ASB18: variants seen among roughly 807,000 people sequenced by gnomAD.
The protein encoded by ASB18 is ankyrin repeat and SOCS box protein 18.
ASB18 carries 33 observed loss-of-function variants against 33.4 expected under a neutral mutation model. The observed-to-expected ratio is 0.99, with a 90% CI of 0.75 to 1.32. The LOEUF (loss-of-function observed/expected upper bound fraction) is 1.32, where lower values mean the gene tolerates loss of function less well. ASB18 is among the 40% of genes most tolerant of loss of function. The pLI is 0.00. For synonymous variants in ASB18, 295 were observed against 307.6 expected (o/e 0.96, Z 0.43); for missense variants, 694 against 655.5 (o/e 1.06, Z -0.64).
rs541861527 is a variant in ASB18 at position 236,216,975 on chromosome 2, G to A, written c.597-2109C>T. 3.2e-4 allele frequency among the ~76,000 whole-genome samples: 48 copies of A among 152,200 alleles called. No individual in the cohort carries two copies. The highest frequency in any genetic ancestry group is 7.2e-4 in the Admixed American group (11 of 15,288). ...CTGCTTGCTCCTTCCAGGTTGCCCC[G>A]CTGCACGTGATGGCCCACACAGTCC... On this transcript the variant is annotated intron_variant, in intron 3 of 5. Coordinates refer to ENST00000409749, the MANE Select transcript of ASB18 (RefSeq NM_212556.4). This position sits in a 1 kb window ranked among gnomAD's most constrained non-coding sequence, Gnocchi z 6.1.
At chr2:236,199,164 C>T (rs1000219741) in intron 4 of ASB18, among the ~76,000 whole-genome samples, 1 of 152,128 alleles carries the variant, frequency 6.6e-6, no homozygotes, top group African/African-American at 2.4e-5. Flanking sequence ...GTAATCCCAG[C>T]CCTTTGAGAG....
At chr2:236,224,940 C>A (rs2060530528) in intron 3 of ASB18, among the ~76,000 whole-genome samples, 1 of 152,118 alleles carries the variant, frequency 6.6e-6, no homozygotes, top group Non-Finnish European at 1.5e-5. Context: ...AATAACCAAT[C>A]AGTCACTCAC....
chr2:236,252,369 T>C lies in ASB18; in HGVS notation c.206-10967A>G, dbSNP rs984827791. On this transcript the variant is annotated intron_variant, in intron 1 of 5. Transcript: ENST00000409749. The surrounding 1 kb of genome is among the most constrained non-coding windows in gnomAD (Gnocchi z 7.9). ...AGTGGGAGGGCAGACGTGGCCACCATCAACTAGCGGTGGAATCAGATCACT... is the reference window on the plus strand; with the variant it reads ...AGTGGGAGGGCAGACGTGGCCACCACCAACTAGCGGTGGAATCAGATCACT... 6.6e-6 allele frequency among the ~76,000 whole-genome samples: 1 copy of C among 151,290 alleles called. No homozygotes were observed. The highest frequency in any genetic ancestry group is 2.1e-4 in the South Asian group (1 of 4,792).
At position 236,221,019 on chromosome 2, in the gene ASB18, CTGGCACGGTAGA is replaced by C. The variant is rs2060508547; in HGVS notation, c.597-6165_597-6154del. 1.3e-5 allele frequency among the ~76,000 whole-genome samples: 2 copies of C among 152,160 alleles called. No individual in the cohort carries two copies. The highest frequency in any genetic ancestry group is 4.8e-5 in the African/African-American group (2 of 41,434). The stretch of plus-strand genomic sequence containing the variant: ...GTTCTCACCCAGTCCTCCTAGCTAC[CTGGCACGGTAGA>C]TGGCATCCTCCCTCCTTTTTGGTGA... On this transcript the variant is annotated intron_variant, in intron 3 of 5. Coordinates refer to ENST00000409749, the MANE Select transcript of ASB18 (RefSeq NM_212556.4). The surrounding 1 kb of genome is among the most constrained non-coding windows in gnomAD (Gnocchi z 5.6).
chr2:236,224,185 G>GTTTTTTTTTTTTTTTTTT, intron 3 of ASB18, among the ~76,000 whole-genome samples: 1 of 66,772 alleles, frequency 1.5e-5, no homozygotes, highest in Non-Finnish European at 2.5e-5. Context: ...GTGTTGTCAG[G>GTTTTTTTTTTTTTTTTTT]TTTTTTTTTT....
At chr2:236,258,277 A>G (rs773713351) in intron 1 of ASB18, among the ~76,000 whole-genome samples, 1 of 152,234 alleles carries the variant, frequency 6.6e-6, no homozygotes, top group Non-Finnish European at 1.5e-5. Context: ...AACACAAGCC[A>G]TTCGTCTTAG....
Position 236,214,505 on chromosome 2 carries a change from C to CTA in ASB18, c.957_958insTA (p.Gly320Ter). The CTA allele has an allele frequency of 6.7e-7, 1 of 1,489,330 alleles. No homozygotes were observed. Among genetic ancestry groups the CTA allele is most frequent in the Admixed American group, 2.3e-5 (1 of 44,136 alleles). 92.3% of individuals were successfully genotyped at this position (1,489,330 alleles called of 1,614,324 possible). The stretch of plus-strand genomic sequence containing the variant: ...GAGGCCCCGCCATAGTCGAGCGCGC[C>CTA]CGCGTCGGCGCCGTGCCGCAGTAGG... On this transcript the variant is annotated frameshift_variant, in exon 4 of 6. Transcript: ENST00000409749. LOFTEE classifies it high-confidence loss of function. The surrounding 1 kb of genome is among the most constrained non-coding windows in gnomAD (Gnocchi z 6.5).
Position 236,196,463 on chromosome 2 carries a change from G to A in ASB18, c.1102-78C>T. On this transcript the variant is annotated intron_variant, in intron 4 of 5. Coordinates refer to ENST00000409749, the MANE Select transcript of ASB18 (RefSeq NM_212556.4). This position sits in a 1 kb window ranked among gnomAD's most constrained non-coding sequence, Gnocchi z 5.6. ...AGTGGGGAAAGGGTGGGGGGTGTGG[G>A]GGGATGCTCTCCCTAGCTGTGTGAC... 2.6e-6 allele frequency: 2 copies of A among 760,544 alleles called. No homozygotes were observed. Among genetic ancestry groups the A allele is most frequent in the African/African-American group, 1.7e-5 (1 of 58,026 alleles). 47.1% of individuals were successfully genotyped at this position (760,544 alleles called of 1,614,324 possible). A position where few individuals can be genotyped will look rare whatever the true frequency, so the allele number is the denominator to read the frequency against.
rs940652780 is a variant in ASB18, at chr2:236,255,021, C to T, written c.205+9120G>A. Among the ~76,000 whole-genome samples the T allele has an allele frequency of 5.3e-5, 8 of 152,212 alleles. No individual in the cohort carries two copies. The highest frequency in any genetic ancestry group is 1.0e-4 in the Non-Finnish European group (7 of 68,040). ...GCTCCTGCCCTGTAAGCTGCCTGCT[C>T]CCCATTTGCGTTCCGCCGCGACTGA... On this transcript the variant is annotated intron_variant, in intron 1 of 5. Transcript: ENST00000409749. This position sits in a 1 kb window ranked among gnomAD's most constrained non-coding sequence, Gnocchi z 4.4.
rs35055104 is a variant in ASB18, at chr2:236,200,241, C to T, written c.1102-3856G>A. Among the ~76,000 whole-genome samples the T allele has an allele frequency of 0.17, 25,725 of 151,820 alleles. 2,170 individuals carry two copies. The highest frequency in any genetic ancestry group is 0.25 in the South Asian group (1,184 of 4,804). Reference sequence around the variant, plus strand: ...GTGCACATCTGTAGTCCCAGCTCCTCGGGAGGCAGAGGTAGGAGAATTGCT... The same window carrying T: ...GTGCACATCTGTAGTCCCAGCTCCTTGGGAGGCAGAGGTAGGAGAATTGCT... On this transcript the variant is annotated intron_variant, in intron 4 of 5. Transcript: ENST00000409749. The surrounding 1 kb of genome is among the most constrained non-coding windows in gnomAD (Gnocchi z 4.2).
At position 236,238,534 on chromosome 2, in the gene ASB18, G is replaced by A. The variant is rs1576407057; in HGVS notation, c.329-578C>T. Among the ~76,000 whole-genome samples, 4 of 152,262 alleles carry A rather than the reference G, an allele frequency of 2.6e-5. 1 individual carries two copies. The South Asian group carries it at 8.3e-4, about 32-fold the overall frequency. ...AAGTTTAGCTCTCTTGCAAGTGGCT[G>A]AGTTTTCAGAAGCACACTTTGATGT... On this transcript the variant is annotated intron_variant, in intron 2 of 5. Coordinates refer to ENST00000409749, the MANE Select transcript of ASB18 (RefSeq NM_212556.4). The surrounding 1 kb of genome is among the most constrained non-coding windows in gnomAD (Gnocchi z 5.2).
rs2060691259 is a variant in ASB18 at position 236,256,215 on chromosome 2, T to TA, written c.205+7925dup. On this transcript the variant is annotated intron_variant, in intron 1 of 5. Coordinates refer to ENST00000409749, the MANE Select transcript of ASB18 (RefSeq NM_212556.4). The surrounding 1 kb of genome is among the most constrained non-coding windows in gnomAD (Gnocchi z 4.7). ...CTAATTGGTGTATTTTTTGTAGAGA[T>TA]AGAGTCTTGCCATGTTGCTCAGGCT... is the stretch of plus-strand genomic sequence containing the variant. Among the ~76,000 whole-genome samples the TA allele has an allele frequency of 6.6e-6, 1 of 151,978 alleles. No homozygotes were observed. Among genetic ancestry groups the TA allele is most frequent in the African/African-American group, 2.4e-5 (1 of 41,372 alleles).
rs202138431 is a variant in ASB18 at position 236,229,838 on chromosome 2, TTAATAA to T, written c.596+7845_596+7850del. 2.6e-5 allele frequency among the ~76,000 whole-genome samples: 4 copies of T among 152,016 alleles called. No individual in the cohort carries two copies. The highest frequency in any genetic ancestry group is 1.9e-4 in the East Asian group (1 of 5,174). ...CCTGGGCAACAGAGTGAGACACCAT[TTAATAA>T]TAATAATAAAAAGAAACATAAAACT... is the stretch of plus-strand genomic sequence containing the variant. On this transcript the variant is annotated intron_variant, in intron 3 of 5. Coordinates refer to ENST00000409749, the MANE Select transcript of ASB18 (RefSeq NM_212556.4). The surrounding 1 kb of genome is among the most constrained non-coding windows in gnomAD (Gnocchi z 5.2).
intron 4 of ASB18, among the ~76,000 whole-genome samples, chr2:236,199,286 C>T (rs970623154): frequency 2.0e-5 from 3 of 151,662 alleles, no homozygotes; most frequent in East Asian, 1.9e-4. Flanking sequence ...ATGGTGCACG[C>T]GTGTAATCCC....
At position 236,195,091 on chromosome 2, in the gene ASB18, G is replaced by A. The variant is rs749367733; in HGVS notation, c.1216-34C>T. ...GAAGGCAGGTGGATTAGAAATCTGG[G>A]CACGTGGAACCAACATACGTTTTCT... On this transcript the variant is annotated intron_variant, in intron 5 of 5. Transcript: ENST00000409749. The surrounding 1 kb of genome is among the most constrained non-coding windows in gnomAD (Gnocchi z 5.5). 1.7e-5 allele frequency: 27 copies of A among 1,584,882 alleles called. No homozygotes were observed. The African/African-American group carries it at 3.0e-4, about 17-fold the overall frequency.
chr2:236,241,143 C>A lies in ASB18; in HGVS notation c.328+137G>T. 1 of 890,706 alleles carries A rather than the reference C, an allele frequency of 1.1e-6. No homozygotes were observed. The allele number at this position is 890,706 out of a possible 1,614,324, so 55.2% of individuals were successfully genotyped here. ...AAACCTACACTTTACTGCGAGCAAA[C>A]TTCATCAGATGTCCTTTTCTTGTGT... On this transcript the variant is annotated intron_variant, in intron 2 of 5. Coordinates refer to ENST00000409749, the MANE Select transcript of ASB18 (RefSeq NM_212556.4). This position sits in a 1 kb window ranked among gnomAD's most constrained non-coding sequence, Gnocchi z 4.2.
In ASB18 at chr2:236,264,130, G is replaced by A. The variant is rs200677309; in HGVS notation, c.205+11C>T. 80 of 1,612,678 alleles carry A rather than the reference G, an allele frequency of 5.0e-5. 2 individuals carry two copies. Among genetic ancestry groups the A allele is most frequent in the African/African-American group, 1.5e-4 (11 of 74,998 alleles). ...ATTAAATCCCAGATGCAGCAGGCTC[G>A]TTCTGGTTACCTAGCAGCATGCCGG... is the stretch of plus-strand genomic sequence containing the variant. On this transcript the variant is annotated intron_variant, in intron 1 of 5. Transcript: ENST00000409749. This position sits in a 1 kb window ranked among gnomAD's most constrained non-coding sequence, Gnocchi z 5.1.
rs141039946 is a variant in ASB18 at position 236,228,642 on chromosome 2, C to T, written c.596+9047G>A. Among the ~76,000 whole-genome samples the T allele has an allele frequency of 6.6e-4, 101 of 152,228 alleles. No individual in the cohort carries two copies. In the East Asian group the frequency reaches 0.011, roughly 16 times the overall value. On this transcript the variant is annotated intron_variant, in intron 3 of 5. Transcript: ENST00000409749. This position sits in a 1 kb window ranked among gnomAD's most constrained non-coding sequence, Gnocchi z 5.1. ...TACCAGAAAGTTTCTAGGACAGAAA[C>T]GGTGCAGTGCTCATCACATGCACAG...
rs2060360004 is a variant in ASB18 at position 236,194,048 on chromosome 2, C to T, written c.*824G>A. Among the ~76,000 whole-genome samples, 1 of 150,746 alleles carries T rather than the reference C, an allele frequency of 6.6e-6. No homozygotes were observed. Among genetic ancestry groups the T allele is most frequent in the South Asian group, 2.1e-4 (1 of 4,822 alleles). ...GACTCTGGCCACGCACGACCCTGAA[C>T]TAGAATAAGCACATTAGAATATGAA... On this transcript the variant is annotated 3_prime_UTR_variant, in exon 6 of 6. Transcript: ENST00000409749. This position sits in a 1 kb window ranked among gnomAD's most constrained non-coding sequence, Gnocchi z 4.5.
Sources: gnomAD v4.1 joint callset for allele counts (sites outside exome capture counted in the v4.1 genomes callset) on GRCh38, gnomAD v4.1.1 for gene constraint, Gnocchi (gnomAD v3.1) non-coding constraint, MANE v1.5 for transcripts, NCBI Gene and HGNC (gene_info 2026-07-23, HGNC 2026-07-21) for gene names.